RIPK1: variants seen among roughly 807,000 people sequenced by gnomAD.
RIPK1 encodes the protein receptor interacting serine/threonine kinase 1.
Under a neutral mutation model 62.4 loss-of-function variants are expected in RIPK1, and 27 were observed. That is an observed-to-expected ratio of 0.43 (90% CI 0.32 to 0.60). RIPK1 has a LOEUF of 0.60. Ranked by LOEUF, RIPK1 falls within the 20% of genes least tolerant of loss-of-function variation. The probability of loss-of-function intolerance (pLI) is 0.07; values close to 1 mark genes in which losing one functional copy is unlikely to be tolerated. For synonymous variants in RIPK1, 287 were observed against 303.2 expected (o/e 0.95, Z 0.55); for missense variants, 735 against 831.0 (o/e 0.88, Z 1.42).
chr6:3,096,455 A>G (rs1463776293), intron 7 of RIPK1, among the ~76,000 whole-genome samples: 2 of 150,866 alleles, frequency 1.3e-5, no homozygotes, highest in Non-Finnish European at 1.5e-5. Flanking sequence ...GAAATATACC[A>G]TTTACTTTGT....
rs532021102 is a variant in RIPK1 at position 3,074,481 on chromosome 6, G to A, written c.-60-2283G>A. On this transcript the variant is annotated intron_variant, in intron 1 of 10. Coordinates refer to ENST00000259808, the MANE Select transcript of RIPK1 (RefSeq NM_001354930.2). ...CCAGTTTGGAGCTATTATAAATAAA[G>A]TTGCTATGAACATTTTACAAGTGTT... Among the ~76,000 whole-genome samples the A allele has an allele frequency of 6.6e-5, 10 of 152,170 alleles. No homozygotes were observed. In the South Asian group the frequency reaches 1.9e-3, roughly 28 times the overall value.
upstream of RIPK1, among the ~76,000 whole-genome samples, chr6:3,066,896 C>T (rs1758402331): frequency 6.6e-6 from 1 of 152,276 alleles, no homozygotes; most frequent in Non-Finnish European, 1.5e-5. Flanking sequence ...CTATCCATCC[C>T]TCCTTCCCTG....
In RIPK1 at chr6:3,073,843, T is replaced by C. The variant is rs538553476; in HGVS notation, c.-60-2921T>C. On this transcript the variant is annotated intron_variant, in intron 1 of 10. Coordinates refer to ENST00000259808, the MANE Select transcript of RIPK1 (RefSeq NM_001354930.2). ...TTTTTTAACTCCCTGCCCTCCAACA[T>C]TTTATTATGAAAAACACCAAGTCTG... Among the ~76,000 whole-genome samples the C allele has an allele frequency of 6.6e-5, 10 of 152,294 alleles. No individual in the cohort carries two copies. In the South Asian group the frequency reaches 2.1e-3, roughly 32 times the overall value.
upstream of RIPK1, among the ~76,000 whole-genome samples, chr6:3,065,453 G>A (rs1012077415): frequency 1.2e-4 from 18 of 151,944 alleles, no homozygotes; most frequent in Admixed American, 9.8e-4. Flanking sequence ...AGAGGCTCGG[G>A]AGGGGGCCTG....
chr6:3,083,269 C>G lies in RIPK1; in HGVS notation c.644C>G (p.Ala215Gly), dbSNP rs769788239. The G allele has an allele frequency of 6.2e-7, 1 of 1,613,660 alleles. No individual in the cohort carries two copies. The highest frequency in any genetic ancestry group is 8.5e-7 in the Non-Finnish European group (1 of 1,179,972). ...GAGAAGTCGGATGTGTACAGCTTTG[C>G]TGTAGTACTCTGGGCGATATTTGCA... ...PTEKSDVYSF[A>G]VVLWAIFANK... The change falls in exon 5 of 11, where the codon GCT becomes GGT. Residue 215 changes from alanine to glycine, a missense_variant. Physicochemically the swap from Ala to Gly is moderately conservative, Grantham distance 60. Transcript: ENST00000259808.
intron 6 of RIPK1, among the ~76,000 whole-genome samples, chr6:3,085,852 T>C (rs1410733527): frequency 6.6e-6 from 1 of 152,178 alleles, no homozygotes; most frequent in Non-Finnish European, 1.5e-5. Context: ...ATTTGTCCTT[T>C]TGTGTCTGGC....
At chr6:3,067,321 A>T (rs946566195), upstream of RIPK1, among the ~76,000 whole-genome samples, 1 of 152,176 alleles carries the variant, frequency 6.6e-6, no homozygotes, top group Non-Finnish European at 1.5e-5. Context: ...GAAATTGCCA[A>T]AATGTCTTCC....
Position 3,106,476 on chromosome 6 carries a change from ATTTTC to A in RIPK1, c.1576+430_1576+434del, listed in dbSNP as rs3839488. Among the ~76,000 whole-genome samples, 593 of 152,264 alleles carry A rather than the reference ATTTTC, an allele frequency of 3.9e-3. 3 individuals carry two copies. The highest frequency in any genetic ancestry group is 0.027 in the South Asian group (132 of 4,830). On this transcript the variant is annotated intron_variant, in intron 9 of 10. Transcript: ENST00000259808. ...CAAAGACTACCATTAGTGATGAAAAATTTTCTTTTAACTCCCATATCTCTATCAGG... is the reference window on the plus strand; with the variant it reads ...CAAAGACTACCATTAGTGATGAAAAATTTTAACTCCCATATCTCTATCAGG...
chr6:3,090,044 G>A (rs73353592), intron 7 of RIPK1, among the ~76,000 whole-genome samples: 11,104 of 152,252 alleles, frequency 0.073, 1,374 homozygotes, highest in African/African-American at 0.25. Context: ...AAGAAGTACC[G>A]GAGGGGCAGT....
rs774420120 is a variant in RIPK1 at position 3,105,598 on chromosome 6, C to A, written c.1123C>A (p.Gln375Lys). ...ACAAGAAGAGAATGAGCCCAGCCTG[C>A]AGAGTAAACTCCAAGACGAAGCCAA... ...HPQEENEPSL[Q>K]SKLQDEANYH... Residue 375 changes from glutamine (Q) to lysine (K), a missense_variant, in exon 9 of 11, where the codon CAG becomes AAG. Coordinates refer to ENST00000259808, the MANE Select transcript of RIPK1 (RefSeq NM_001354930.2). The surrounding 1 kb of genome is among the most constrained non-coding windows in gnomAD (Gnocchi z 4.5). 6.2e-7 allele frequency: 1 copy of A among 1,614,076 alleles called. No homozygotes were observed. Among genetic ancestry groups the A allele is most frequent in the South Asian group, 1.1e-5 (1 of 91,076 alleles).
chr6:3,076,755 T>A lies in RIPK1; in HGVS notation c.-60-9T>A. On this transcript the variant is annotated splice_polypyrimidine_tract_variant and intron_variant, in intron 1 of 10. Transcript: ENST00000259808. ...TTGCCCTGAGGTTTTCTCTCTGTTT[T>A]CTTTACAGGGTACAGCTCTGCCGGG... The A allele has an allele frequency of 6.6e-7, 1 of 1,517,830 alleles. No homozygotes were observed. Among genetic ancestry groups the A allele is most frequent in the East Asian group, 2.5e-5 (1 of 39,778 alleles). The allele number at this position is 1,517,830 out of a possible 1,614,324, so 94.0% of individuals were successfully genotyped here.
chr6:3,069,076 G>T (rs759614877), intron 1 of RIPK1, among the ~76,000 whole-genome samples: 9 of 152,250 alleles, frequency 5.9e-5, no homozygotes, highest in Non-Finnish European at 1.2e-4. Flanking sequence ...CGGGGCGCTG[G>T]ACTGGTAGCG....
chr6:3,086,807 A>T (rs1199487359), intron 6 of RIPK1, among the ~76,000 whole-genome samples: 1 of 152,146 alleles, frequency 6.6e-6, no homozygotes, highest in Admixed American at 6.6e-5. Context: ...TTGGTGCTTG[A>T]GCTTAATCTC....
intron 7 of RIPK1, 86 bp downstream of exon 7, chr6:3,089,743 T>C: frequency 3.8e-6 from 3 of 794,518 alleles, no homozygotes; most frequent in Admixed American, 2.3e-5. Flanking sequence ...TGATTTGTTA[T>C]TGAGATTTGA....
At chr6:3,064,429 CA>C (rs1758288692), upstream of RIPK1, among the ~76,000 whole-genome samples, 1 of 152,242 alleles carries the variant, frequency 6.6e-6, no homozygotes, top group Admixed American at 6.5e-5. Flanking sequence ...TTCTGTCTTT[CA>C]AAGTCACTAG....
intron 7 of RIPK1, among the ~76,000 whole-genome samples, chr6:3,090,837 G>A (rs1284557624): frequency 8.5e-6 from 1 of 117,480 alleles, no homozygotes; most frequent in African/African-American, 5.6e-5. Flanking sequence ...CCTACCTGCC[G>A]CACCTAGTAA....
intron 5 of RIPK1, among the ~76,000 whole-genome samples, chr6:3,084,411 A>G (rs534912506): frequency 1.3e-5 from 2 of 152,082 alleles, no homozygotes; most frequent in African/African-American, 2.4e-5. Context: ...ACACTGAGGA[A>G]TTTGTGGGAT....
rs1429231482 is a variant in RIPK1 at position 3,076,949 on chromosome 6, G to T, written c.126G>T (p.Met42Ile). The T allele has an allele frequency of 6.3e-7, 1 of 1,584,212 alleles. No individual in the cohort carries two copies. Among genetic ancestry groups the T allele is most frequent in the South Asian group, 1.1e-5 (1 of 90,370 alleles). The change falls in exon 2 of 11, where the codon ATG becomes ATT. Residue 42 changes from methionine to isoleucine, a missense_variant. Met to Ile is a conservative substitution (Grantham distance 10). This residue lies in a region of RIPK1 where 671 missense variants were observed against 726.2 expected (regional missense o/e 0.92). Coordinates refer to ENST00000259808, the MANE Select transcript of RIPK1 (RefSeq NM_001354930.2). ...GTTTCCACAGAACCCAGGGACTCAT[G>T]ATCATGAAAACAGTGTACAAGGGGC... ...SLCFHRTQGL[M>I]IMKTVYKGPN...
chr6:3,083,748 C>T (rs1759545091), intron 5 of RIPK1, among the ~76,000 whole-genome samples: 1 of 152,136 alleles, frequency 6.6e-6, no homozygotes, highest in Non-Finnish European at 1.5e-5. Context: ...GTCCTACATA[C>T]TCTTCTTGGG....
Sources: gnomAD v4.1 joint callset for allele counts (sites outside exome capture counted in the v4.1 genomes callset) on GRCh38, gnomAD v4.1.1 for gene constraint, gnomAD v4.1.1 regional missense constraint, Gnocchi (gnomAD v3.1) non-coding constraint, MANE v1.5 for transcripts, NCBI Gene and HGNC (gene_info 2026-07-23, HGNC 2026-07-21) for gene names.